The following TARBP1 variants were observed in gnomAD, a reference collection of about 807,000 sequenced individuals.
TARBP1 encodes the protein tRNA (guanosine(18)-2'-O)-methyltransferase TARBP1.
In TARBP1, 144 loss-of-function variants were observed where a neutral mutation model predicts 178.6. That is an observed-to-expected ratio of 0.81 (90% CI 0.70 to 0.93). The LOEUF is 0.93. Among genes scored for constraint, TARBP1 ranks in the 40% least tolerant of loss-of-function variants. TARBP1 has a pLI of 0.00. For missense variants in TARBP1, 2,067 were observed against 2,011.7 expected (o/e 1.03, Z -0.53); for synonymous variants, 787 against 781.0 (o/e 1.01, Z -0.13).
rs180694032 is a variant in TARBP1 at position 234,464,677 on chromosome 1, G to A, written c.1302-743C>T. On this transcript the variant is annotated intron_variant, in intron 5 of 29. Transcript: ENST00000040877. ...AAACAGGACTAAATATTAATATAAC[G>A]TGGCAGAGACTAATTAAAAATGTTT... 7.2e-5 allele frequency among the ~76,000 whole-genome samples: 11 copies of A among 152,250 alleles called. No homozygotes were observed. The East Asian group carries it at 7.7e-4, about 11-fold the overall frequency.
At position 234,456,110 on chromosome 1, in the gene TARBP1, C is replaced by T. The variant is rs1022259316; in HGVS notation, c.1722+1557G>A. 2.0e-5 allele frequency among the ~76,000 whole-genome samples: 3 copies of T among 152,252 alleles called. No individual in the cohort carries two copies. The South Asian group carries it at 6.2e-4, about 32-fold the overall frequency. On this transcript the variant is annotated intron_variant, in intron 9 of 29. Transcript: ENST00000040877. ...AACCTCTCTCAATCTGTATCAGGAACCTTAAAATTATTGAAATACAGCAAA... is the reference window on the plus strand; with the variant it reads ...AACCTCTCTCAATCTGTATCAGGAATCTTAAAATTATTGAAATACAGCAAA...
intron 12 of TARBP1, among the ~76,000 whole-genome samples, chr1:234,443,962 G>C (rs1322216986): frequency 6.6e-6 from 1 of 152,148 alleles, no homozygotes; most frequent in Non-Finnish European, 1.5e-5. Context: ...TGGGGAAAGA[G>C]GAAAATGGGG....
chr1:234,450,376 T>A, intron 10 of TARBP1, 52 bp downstream of exon 10: 2 of 1,468,190 alleles, frequency 1.4e-6, no homozygotes, highest in Non-Finnish European at 1.8e-6. Context: ...AGTTAAAAGT[T>A]CTTTGAAAAT....
Position 234,433,510 on chromosome 1 carries a change from T to C in TARBP1, c.2294A>G (p.His765Arg), listed in dbSNP as rs748004189. The C allele has an allele frequency of 3.1e-6, 5 of 1,613,920 alleles. No individual in the cohort carries two copies. The highest frequency in any genetic ancestry group is 1.7e-5 in the Admixed American group (1 of 59,964). Residue 765 changes from histidine (H) to arginine (R), a missense_variant, in exon 14 of 30, where the codon CAT (histidine) becomes CGT (arginine). Transcript: ENST00000040877. ...ACCCCTTTTCCACCCAACCTTCAAA[T>C]GCAGATTTATAAGCTCAGTTAACAC... Reference protein sequence around the residue: ...LMVLTELINLHLKVGWKRGNP... With the variant: ...LMVLTELINLRLKVGWKRGNP...
At chr1:234,476,420 C>G (rs676203) in intron 1 of TARBP1, among the ~76,000 whole-genome samples, 1 of 152,030 alleles carries the variant, frequency 6.6e-6, no homozygotes, top group Non-Finnish European at 1.5e-5. Context: ...CCGGGGTAAG[C>G]GTGAGGTCTG....
At chr1:234,440,468 A>AG (rs1402437129) in intron 12 of TARBP1, among the ~76,000 whole-genome samples, 1 of 152,036 alleles carries the variant, frequency 6.6e-6, no homozygotes, top group African/African-American at 2.4e-5. Context: ...AGACAGAGAG[A>AG]GAGTGCACAT....
At position 234,418,180 on chromosome 1, in the gene TARBP1, ATTGT is replaced by A. The variant is rs756821181; in HGVS notation, c.3605_3608del (p.Asn1202IlefsTer5). The A allele has an allele frequency of 6.4e-7, 1 of 1,553,564 alleles. No individual in the cohort carries two copies. Among genetic ancestry groups the A allele is most frequent in the East Asian group, 2.4e-5 (1 of 41,630 alleles). ...CTATAAAATATTTTATGGATGCTTG[ATTGT>A]TGGTGAAACCAGCCTGGAAAATCCT... On this transcript the variant is annotated frameshift_variant, in exon 22 of 30. Transcript: ENST00000040877. LOFTEE classifies it high-confidence loss of function.
intron 22 of TARBP1, among the ~76,000 whole-genome samples, chr1:234,417,515 G>A (rs977567342): frequency 3.9e-5 from 6 of 152,140 alleles, no homozygotes; most frequent in African/African-American, 1.4e-4. Context: ...ACTGATTCTT[G>A]GAAACAATTT....
intron 29 of TARBP1, 146 bp from the exon 30 acceptor site, chr1:234,391,891 G>C: frequency 1.1e-6 from 1 of 879,514 alleles, no homozygotes; most frequent in Non-Finnish European, 1.7e-6. Flanking sequence ...ATGAAGTTAA[G>C]TCTGTAGTAC....
chr1:234,391,604 C>T lies in TARBP1; in HGVS notation c.4839G>A (p.Leu1613=). 1 of 1,612,826 alleles carries T rather than the reference C, an allele frequency of 6.2e-7. No homozygotes were observed. The highest frequency in any genetic ancestry group is 2.2e-5 in the East Asian group (1 of 44,870). The change falls in exon 30 of 30, where the codon CTG becomes CTA. Residue 1613 remains leucine, a synonymous_variant. Coordinates refer to ENST00000040877, the MANE Select transcript of TARBP1 (RefSeq NM_005646.4). The stretch of plus-strand genomic sequence containing the variant: ...ATGGCTTGGTATCTCCGTGCGAGAG[C>T]AGCTGCTGCCTGGTGTACTCCCAGA... The part of the protein sequence containing the change: ...LLIWEYTRQQ[L]LSHGDTKP
chr1:234,428,882 A>C (rs773141300), intron 17 of TARBP1, among the ~76,000 whole-genome samples: 11 of 152,176 alleles, frequency 7.2e-5, no homozygotes, highest in Non-Finnish European at 1.5e-4. Context: ...AGGTAATCAA[A>C]ATTTTAAACA....
At chr1:234,463,034 C>T (rs1668046256) in intron 6 of TARBP1, among the ~76,000 whole-genome samples, 1 of 152,168 alleles carries the variant, frequency 6.6e-6, no homozygotes, top group Admixed American at 6.5e-5. Flanking sequence ...GCTGTGCTTT[C>T]CAACCTACCT....
intron 9 of TARBP1, among the ~76,000 whole-genome samples, chr1:234,456,390 G>A (rs1169178450): frequency 6.6e-6 from 1 of 152,138 alleles, no homozygotes; most frequent in African/African-American, 2.4e-5. Flanking sequence ...TAGTAGAGAC[G>A]GGGTTTCGCC....
At chr1:234,416,507 G>T (rs1247794665) in intron 22 of TARBP1, among the ~76,000 whole-genome samples, 1 of 152,168 alleles carries the variant, frequency 6.6e-6, no homozygotes, top group Non-Finnish European at 1.5e-5. Flanking sequence ...ATGTTGGCCA[G>T]GCTGGTCTCA....
chr1:234,420,824 A>G lies in TARBP1; in HGVS notation c.3445-12T>C. On this transcript the variant is annotated splice_polypyrimidine_tract_variant and intron_variant, in intron 20 of 29. Coordinates refer to ENST00000040877, the MANE Select transcript of TARBP1 (RefSeq NM_005646.4). The stretch of plus-strand genomic sequence containing the variant: ...GACACTAATTCATCCTGGAAAGGAG[A>G]AGGGAGGGAGTCAACATTAAATTAT... 7.0e-7 allele frequency: 1 copy of G among 1,438,578 alleles called. No individual in the cohort carries two copies. Among genetic ancestry groups the G allele is most frequent in the Non-Finnish European group, 9.7e-7 (1 of 1,030,522 alleles). 89.1% of individuals were successfully genotyped at this position (1,438,578 alleles called of 1,614,324 possible).
intron 3 of TARBP1, among the ~76,000 whole-genome samples, chr1:234,467,890 G>A (rs1463053012): frequency 6.6e-6 from 1 of 152,110 alleles, no homozygotes; most frequent in African/African-American, 2.4e-5. Context: ...TCCTGCCTCA[G>A]CTTCCTGAGT....
At position 234,478,262 on chromosome 1, in the gene TARBP1, C is replaced by T. The variant is rs1669761766; in HGVS notation, c.842G>A (p.Arg281His). ...AGLGQADALT[R>H]KRARYLLQRA... Reference sequence around the variant, plus strand: ...CTGCAGCAGGTAGCGCGCTCGCTTGCGCGTCAGGGCGTCCGCCTGGCCCAG... The same window carrying T: ...CTGCAGCAGGTAGCGCGCTCGCTTGTGCGTCAGGGCGTCCGCCTGGCCCAG... Residue 281 changes from arginine to histidine, a missense_variant, in exon 1 of 30, where the codon CGC becomes CAC. Transcript: ENST00000040877. 6.2e-7 allele frequency: 1 copy of T among 1,601,860 alleles called. No homozygotes were observed. Among genetic ancestry groups the T allele is most frequent in the Non-Finnish European group, 8.5e-7 (1 of 1,175,968 alleles).
Position 234,478,583 on chromosome 1 carries a change from C to A in TARBP1, c.521G>T (p.Gly174Val). 7.7e-7 allele frequency: 1 copy of A among 1,292,660 alleles called. No individual in the cohort carries two copies. The highest frequency in any genetic ancestry group is 2.2e-5 in the South Asian group (1 of 46,400). The allele number at this position is 1,292,660 out of a possible 1,614,324, so 80.1% of individuals were successfully genotyped here. A position where few individuals can be genotyped will look rare whatever the true frequency, so the allele number is the denominator to read the frequency against. The change falls in exon 1 of 30, where the codon GGG becomes GTG. Residue 174 changes from glycine to valine, a missense_variant. Physicochemically the swap from Gly to Val is moderately radical, Grantham distance 109. Coordinates refer to ENST00000040877, the MANE Select transcript of TARBP1 (RefSeq NM_005646.4). ...CCCGGCCTCATCCCCGTCCCCGCCC[C>A]CGCCCAGCGCCAGGGCGACGGCGGT... Reference protein sequence around the residue: ...AGTAVALALGGGGDGDEAGPA... With the variant: ...AGTAVALALGVGGDGDEAGPA...
chr1:234,425,673 T>C lies in TARBP1; in HGVS notation c.3444A>G (p.Lys1148=), dbSNP rs1466984716. The C allele has an allele frequency of 6.2e-7, 1 of 1,610,606 alleles. No homozygotes were observed. Among genetic ancestry groups the C allele is most frequent in the Non-Finnish European group, 8.5e-7 (1 of 1,178,914 alleles). The change falls in exon 20 of 30, where the codon AAA becomes AAG. Residue 1148 remains lysine (K), a splice_region_variant and synonymous_variant. Transcript: ENST00000040877. ...ATAATTTAAAGTAAAATACACTTAC[T>C]TTATCTAATAGCTTGATTGCAAGAT... ...IEDLAIKLLD[K]DELVSKSKKR...
Sources: gnomAD v4.1 joint callset for allele counts (sites outside exome capture counted in the v4.1 genomes callset) on GRCh38, gnomAD v4.1.1 for gene constraint, MANE v1.5 for transcripts, NCBI Gene and HGNC (gene_info 2026-07-23, HGNC 2026-07-21) for gene names.